NCOA2: variants seen among roughly 807,000 people sequenced by gnomAD.
NCOA2 encodes nuclear receptor coactivator 2, also known as class E basic helix-loop-helix protein 75.
A neutral mutation model predicts 145.1 loss-of-function variants in NCOA2; 21 were observed. The ratio of observed to expected loss-of-function variants is 0.14; its 90% CI spans 0.10 to 0.21. The LOEUF (loss-of-function observed/expected upper bound fraction) is 0.21. NCOA2 is among the 10% of genes least tolerant of loss of function. The pLI, the probability that NCOA2 is intolerant of heterozygous loss-of-function variation, is 1.00. For missense variants in NCOA2, 1,472 were observed against 1,837.6 expected, an observed-to-expected ratio of 0.80 and a Z score of 3.64; for synonymous variants, 619 against 637.5, an observed-to-expected ratio of 0.97 and a Z score of 0.44.
chr8:70,148,246 G>C (rs1236223231), intron 12 of NCOA2, 27 bp downstream of exon 12: 1 of 1,600,530 alleles, frequency 6.2e-7, no homozygotes, highest in Non-Finnish European at 8.6e-7. Context: ...AAATTTCTTG[G>C]CATAACCAGC....
At chr8:70,231,768 ATTACAAAGATGCCC>A (rs1429791206) in intron 2 of NCOA2, among the ~76,000 whole-genome samples, 1 of 152,148 alleles carries the variant, frequency 6.6e-6, no homozygotes, top group African/African-American at 2.4e-5. Context: ...TCCTCACTCC[ATTACAAAGATGCCC>A]TTATATAGAA....
intron 2 of NCOA2, among the ~76,000 whole-genome samples, chr8:70,286,784 T>C (rs1826260759): frequency 6.6e-6 from 1 of 152,174 alleles, no homozygotes; most frequent in African/African-American, 2.4e-5. Flanking sequence ...AAAGAGCAGC[T>C]GTAATTTCCC....
At chr8:70,274,011 T>C (rs1825277582) in intron 2 of NCOA2, among the ~76,000 whole-genome samples, 1 of 152,254 alleles carries the variant, frequency 6.6e-6, no homozygotes. Context: ...TACAGCTCTT[T>C]TCAGTTTTTG....
intron 1 of NCOA2, among the ~76,000 whole-genome samples, chr8:70,328,375 TAA>T (rs1165049187): frequency 6.6e-6 from 1 of 152,208 alleles, no homozygotes; most frequent in Non-Finnish European, 1.5e-5. Flanking sequence ...TTCTACGCAA[TAA>T]GTTTGTGACA....
rs1020049851 is a variant in NCOA2 at position 70,113,784 on chromosome 8, C to G, written c.4384-141G>C. On this transcript the variant is annotated intron_variant, in intron 22 of 22. Coordinates refer to ENST00000452400, the MANE Select transcript of NCOA2 (RefSeq NM_006540.4). Reference sequence around the variant, plus strand: ...GAGGCCGCATCTGGATGAGTACATTCGATGTGGAGGTGAACAGGCAGAGGG... The same window carrying G: ...GAGGCCGCATCTGGATGAGTACATTGGATGTGGAGGTGAACAGGCAGAGGG... The G allele has an allele frequency of 1.7e-5, 14 of 808,210 alleles. 1 individual carries two copies. The highest frequency in any genetic ancestry group is 4.1e-6 in the Non-Finnish European group (2 of 488,682). 50.1% of individuals were successfully genotyped at this position (808,210 alleles called of 1,614,324 possible).
At chr8:70,421,534 G>A in the NCOA2 span, among the ~76,000 whole-genome samples, 1 of 152,102 alleles carries the variant, frequency 6.6e-6, no homozygotes, top group South Asian at 2.1e-4. Context: ...CTCAAGCCTG[G>A]GTAACAGAGT....
chr8:70,148,315 G>GTGTGACAGGGCTGTTTTCAGC lies in NCOA2; in HGVS notation c.2542_2562dup (p.Ala848_Thr854dup). 6.2e-7 allele frequency: 1 copy of GTGTGACAGGGCTGTTTTCAGC among 1,613,994 alleles called. No individual in the cohort carries two copies. Reference sequence around the variant, plus strand: ...AGTGCTGTTTTCTGGGCTCCAACAGGTGTGACAGGGCTGTTTTCAGCTGTG... The same window carrying GTGTGACAGGGCTGTTTTCAGC: ...AGTGCTGTTTTCTGGGCTCCAACAGGTGTGACAGGGCTGTTTTCAGCTGTGACAGGGCTGTTTTCAGCTGTG... On this transcript the variant is annotated inframe_insertion, in exon 12 of 23. Transcript: ENST00000452400.
chr8:70,355,093 A>G (rs1563798141), intron 1 of NCOA2, among the ~76,000 whole-genome samples: 1 of 152,232 alleles, frequency 6.6e-6, no homozygotes, highest in Non-Finnish European at 1.5e-5. Flanking sequence ...AAGCTATTAT[A>G]TATGGCGAAA....
At chr8:70,400,387 G>GT (rs369648506) in intron 1 of NCOA2, among the ~76,000 whole-genome samples, 18 of 152,092 alleles carry the variant, frequency 1.2e-4, no homozygotes, top group African/African-American at 2.2e-4. Flanking sequence ...TGCTTGAGAG[G>GT]TTTTTTTCCC....
chr8:70,388,782 C>T (rs1812906257), intron 1 of NCOA2, among the ~76,000 whole-genome samples: 1 of 152,104 alleles, frequency 6.6e-6, no homozygotes, highest in East Asian at 1.9e-4. Flanking sequence ...CACACACACA[C>T]GCAGACAGAA....
intron 19 of NCOA2, chr8:70,126,571 TA>T: frequency 1.8e-6 from 1 of 549,892 alleles, no homozygotes; most frequent in East Asian, 3.0e-5. Flanking sequence ...CGGTCATTCT[TA>T]AAGTAAGACC....
rs544542497 is a variant in NCOA2, at chr8:70,129,246, G to T, written c.3325-266C>A. ...TTCTTCCAAGGGAAGGGGAAAAATG[G>T]GTCAGGACTACAGAATGCCTCCTAC... On this transcript the variant is annotated intron_variant, in intron 16 of 22. Transcript: ENST00000452400. 2.8e-4 allele frequency among the ~76,000 whole-genome samples: 43 copies of T among 152,188 alleles called. No individual in the cohort carries two copies. In the East Asian group the frequency reaches 7.3e-3, roughly 26 times the overall value.
chr8:70,406,530 G>A (rs1015111914), upstream of NCOA2, among the ~76,000 whole-genome samples: 1 of 152,130 alleles, frequency 6.6e-6, no homozygotes. Context: ...AAATATGTGG[G>A]TGCAGATCAT....
chr8:70,303,385 AT>A (rs942026409), intron 1 of NCOA2, among the ~76,000 whole-genome samples: 4 of 152,224 alleles, frequency 2.6e-5, no homozygotes, highest in African/African-American at 9.6e-5. Flanking sequence ...TCCAGAGGAG[AT>A]AATTCCAAGA....
the NCOA2 span, among the ~76,000 whole-genome samples, chr8:70,425,627 T>C: frequency 6.6e-6 from 1 of 152,216 alleles, no homozygotes; most frequent in Non-Finnish European, 1.5e-5. Flanking sequence ...CCAAATCAAA[T>C]CCTCACTTTC....
At chr8:70,322,002 G>A (rs576323302) in intron 1 of NCOA2, among the ~76,000 whole-genome samples, 29 of 151,746 alleles carry the variant, frequency 1.9e-4, no homozygotes, top group African/African-American at 6.8e-4. Flanking sequence ...GGTAATCCCA[G>A]GTACGTGGGA....
chr8:70,376,275 T>G (rs1174178463), intron 1 of NCOA2, among the ~76,000 whole-genome samples: 1 of 152,138 alleles, frequency 6.6e-6, no homozygotes, highest in Admixed American at 6.6e-5. Flanking sequence ...GTCAGTCTCC[T>G]TCGGGGAGAG....
intron 2 of NCOA2, among the ~76,000 whole-genome samples, chr8:70,279,025 C>T (rs1454173997): frequency 1.3e-5 from 2 of 152,016 alleles, no homozygotes; most frequent in Non-Finnish European, 2.9e-5. Context: ...GTCAATGAAT[C>T]CCTATGGCAC....
chr8:70,276,411 C>T (rs1356925857), intron 2 of NCOA2, among the ~76,000 whole-genome samples: 1 of 152,062 alleles, frequency 6.6e-6, no homozygotes, highest in Non-Finnish European at 1.5e-5. Context: ...CTTCTGAATG[C>T]CAAATTTTAA....
Sources: allele counts gnomAD v4.1 joint callset (sites outside exome capture counted in the v4.1 genomes callset), GRCh38; gene constraint gnomAD v4.1.1; transcripts MANE v1.5; gene names NCBI Gene and HGNC (gene_info 2026-07-23, HGNC 2026-07-21).